FBXL17: variants seen among roughly 807,000 people sequenced by gnomAD.
FBXL17 encodes the protein F-box/LRR-repeat protein 17.
FBXL17 carries 22 observed loss-of-function variants against 66.2 expected under a neutral mutation model. The ratio of observed to expected loss-of-function variants is 0.33; its 90% CI spans 0.24 to 0.47. FBXL17 has a LOEUF of 0.47. FBXL17 is among the 20% of genes least tolerant of loss of function. FBXL17 has a pLI of 1.00. For synonymous variants in FBXL17, 474 were observed against 400.5 expected, an observed-to-expected ratio of 1.18 and a Z score of -2.19; for missense variants, 878 against 948.2, an observed-to-expected ratio of 0.93 and a Z score of 0.97.
At chr5:108,149,691 T>C (rs1042771305) in intron 6 of FBXL17, among the ~76,000 whole-genome samples, 3 of 152,226 alleles carry the variant, frequency 2.0e-5, no homozygotes, top group African/African-American at 7.2e-5. Flanking sequence ...TATTCAGTTC[T>C]TCTCATTATT....
At chr5:107,928,847 T>C (rs1386944382) in intron 7 of FBXL17, among the ~76,000 whole-genome samples, 3 of 152,138 alleles carry the variant, frequency 2.0e-5, no homozygotes, top group Non-Finnish European at 2.9e-5. Flanking sequence ...GTAGAAAACA[T>C]GCCCTTAAAA....
rs141430836 is a variant in FBXL17, at chr5:108,189,745, C to G, written c.1615-3498G>C. On this transcript the variant is annotated intron_variant, in intron 5 of 8. Coordinates refer to ENST00000542267, the MANE Select transcript of FBXL17 (RefSeq NM_001163315.3). ...CCTGACATAATCAGTTAAGCCCTTA[C>G]AAAGGATCTAGAGGTCTGAGAAATT... 7.2e-5 allele frequency among the ~76,000 whole-genome samples: 11 copies of G among 152,270 alleles called. No homozygotes were observed. The East Asian group carries it at 2.1e-3, about 29-fold the overall frequency.
chr5:108,308,570 G>A (rs1353502466), intron 4 of FBXL17, among the ~76,000 whole-genome samples: 2 of 151,908 alleles, frequency 1.3e-5, no homozygotes, highest in Non-Finnish European at 2.9e-5. Flanking sequence ...TTCTAATTTG[G>A]GAAGAAAACC....
At chr5:108,158,198 C>T (rs1190233497) in intron 6 of FBXL17, among the ~76,000 whole-genome samples, 2 of 151,952 alleles carry the variant, frequency 1.3e-5, no homozygotes, top group Non-Finnish European at 2.9e-5. Flanking sequence ...TTATTAAGTT[C>T]AGAAAGATGA....
chr5:108,030,789 G>C (rs1746590700), intron 6 of FBXL17, among the ~76,000 whole-genome samples: 1 of 152,126 alleles, frequency 6.6e-6, no homozygotes. Flanking sequence ...GAATAAGGAA[G>C]GGGAGCAATG....
chr5:107,995,864 T>C (rs1326244398), intron 7 of FBXL17, among the ~76,000 whole-genome samples: 1 of 151,990 alleles, frequency 6.6e-6, no homozygotes, highest in Non-Finnish European at 1.5e-5. Context: ...ATTTGAAAAA[T>C]GGAAAAATAC....
intron 6 of FBXL17, among the ~76,000 whole-genome samples, chr5:108,158,035 C>T (rs1032318152): frequency 2.6e-5 from 4 of 152,018 alleles, no homozygotes; most frequent in East Asian, 1.9e-4. Context: ...ATATCTAGAA[C>T]ATACAATCAG....
chr5:108,220,940 T>C (rs1353019814), intron 5 of FBXL17, among the ~76,000 whole-genome samples: 1 of 152,212 alleles, frequency 6.6e-6, no homozygotes, highest in Non-Finnish European at 1.5e-5. Flanking sequence ...TACTCTTAAC[T>C]GTAAATGTAG....
At chr5:107,863,476 T>A (rs1748187622) in intron 8 of FBXL17, among the ~76,000 whole-genome samples, 1 of 151,312 alleles carries the variant, frequency 6.6e-6, no homozygotes, top group Non-Finnish European at 1.5e-5. Context: ...CAATGTCATT[T>A]TCCCAGCAAA....
chr5:107,999,936 C>T (rs968422015), intron 7 of FBXL17, among the ~76,000 whole-genome samples: 2 of 151,984 alleles, frequency 1.3e-5, no homozygotes, highest in East Asian at 1.9e-4. Context: ...AGTAGAAAGG[C>T]GATAATGAAA....
chr5:108,246,387 C>T (rs994796357), intron 4 of FBXL17, among the ~76,000 whole-genome samples: 36 of 152,102 alleles, frequency 2.4e-4, no homozygotes, highest in African/African-American at 8.0e-4. Context: ...CACGGTTGTG[C>T]ACACCTGTAG....
At chr5:108,202,193 G>A (rs537293400) in intron 5 of FBXL17, among the ~76,000 whole-genome samples, 8 of 152,122 alleles carry the variant, frequency 5.3e-5, no homozygotes, top group East Asian at 1.9e-4. Flanking sequence ...GAAACTTATC[G>A]ACTCACTTTA....
At chr5:108,263,434 T>A (rs1349310057) in intron 4 of FBXL17, among the ~76,000 whole-genome samples, 1 of 151,954 alleles carries the variant, frequency 6.6e-6, no homozygotes, top group Non-Finnish European at 1.5e-5. Context: ...AATAAAAGAG[T>A]TCTTATCCTG....
At chr5:108,172,100 GA>G (rs1752627831) in intron 6 of FBXL17, among the ~76,000 whole-genome samples, 1 of 152,272 alleles carries the variant, frequency 6.6e-6, no homozygotes, top group East Asian at 1.9e-4. Flanking sequence ...ACAGCAGCGT[GA>G]AAACAGACTA....
chr5:107,917,838 A>C (rs1470121949), intron 7 of FBXL17, among the ~76,000 whole-genome samples: 1 of 152,236 alleles, frequency 6.6e-6, no homozygotes, highest in Non-Finnish European at 1.5e-5. Context: ...GCTTAAAACT[A>C]GGAGAAGAAA....
At chr5:108,168,961 A>G (rs1752509315) in intron 6 of FBXL17, among the ~76,000 whole-genome samples, 1 of 152,238 alleles carries the variant, frequency 6.6e-6, no homozygotes, top group South Asian at 2.1e-4. Context: ...CATAAACAAC[A>G]GGAGTGTAGC....
chr5:108,045,924 G>A (rs1365643265), intron 6 of FBXL17, among the ~76,000 whole-genome samples: 2 of 152,172 alleles, frequency 1.3e-5, no homozygotes, highest in African/African-American at 4.8e-5. Flanking sequence ...TGAAAAGAAT[G>A]TGAAATACTG....
chr5:108,265,113 T>C (rs1756994993), intron 4 of FBXL17, among the ~76,000 whole-genome samples: 1 of 152,092 alleles, frequency 6.6e-6, no homozygotes, highest in Non-Finnish European at 1.5e-5. Context: ...TTTATCTACA[T>C]TTAAAAGTTT....
At chr5:108,184,977 C>T (rs1312414272) in intron 6 of FBXL17, among the ~76,000 whole-genome samples, 2 of 152,102 alleles carry the variant, frequency 1.3e-5, no homozygotes, top group Non-Finnish European at 2.9e-5. Flanking sequence ...ATTTACAAAT[C>T]TACCTAATCA....
Sources: gnomAD v4.1 joint callset for allele counts (sites outside exome capture counted in the v4.1 genomes callset) on GRCh38, gnomAD v4.1.1 for gene constraint, MANE v1.5 for transcripts, NCBI Gene and HGNC (gene_info 2026-07-23, HGNC 2026-07-21) for gene names.